Variants in CNTNAP2 observed in about 807,000 individuals in gnomAD.
CNTNAP2 encodes contactin associated protein 2.
A neutral mutation model predicts 155.2 loss-of-function variants in CNTNAP2; 98 were observed. The observed-to-expected ratio is 0.63, with a 90% confidence interval of 0.54 to 0.75. The LOEUF (loss-of-function observed/expected upper bound fraction) is 0.75, where lower values mean the gene tolerates loss of function less well. CNTNAP2 is among the 30% of genes least tolerant of loss of function. The pLI is 0.00. For missense variants in CNTNAP2, 1,727 were observed against 1,688.1 expected (o/e 1.02, Z -0.40); for synonymous variants, 651 against 631.2 (o/e 1.03, Z -0.47).
At chr7:146,852,701 G>T (rs1338014916) in intron 3 of CNTNAP2, among the ~76,000 whole-genome samples, 1 of 152,148 alleles carries the variant, frequency 6.6e-6, no homozygotes, top group African/African-American at 2.4e-5. Flanking sequence ...AGCCAAAACA[G>T]CTTTCCCCAA....
chr7:146,226,886 T>A (rs988984743), intron 1 of CNTNAP2, among the ~76,000 whole-genome samples: 1 of 152,194 alleles, frequency 6.6e-6, no homozygotes, highest in Non-Finnish European at 1.5e-5. Context: ...ATTTCATTTT[T>A]AAAAATCATA....
chr7:146,563,904 C>G (rs1395607811), intron 1 of CNTNAP2, among the ~76,000 whole-genome samples: 10 of 152,026 alleles, frequency 6.6e-5, no homozygotes, highest in Non-Finnish European at 2.9e-5. Flanking sequence ...AGATGTTTGC[C>G]CATGGAGATA....
chr7:146,874,278 A>T (rs1248878484), intron 3 of CNTNAP2, among the ~76,000 whole-genome samples: 1 of 152,118 alleles, frequency 6.6e-6, no homozygotes, highest in Non-Finnish European at 1.5e-5. Flanking sequence ...TAAAATGAGG[A>T]TCTATTAGAA....
intron 2 of CNTNAP2, among the ~76,000 whole-genome samples, chr7:146,822,500 C>G (rs76375433): frequency 6.7e-6 from 1 of 149,994 alleles, no homozygotes; most frequent in East Asian, 2.0e-4. Flanking sequence ...AAAAAAAAAA[C>G]TCAGACATTT....
rs1483327150 is a variant in CNTNAP2, at chr7:147,544,825, G to A, written c.1778-17313G>A. 3.3e-5 allele frequency among the ~76,000 whole-genome samples: 5 copies of A among 152,154 alleles called. No individual in the cohort carries two copies. The East Asian group carries it at 7.7e-4, about 24-fold the overall frequency. On this transcript the variant is annotated intron_variant, in intron 11 of 23. Transcript: ENST00000361727. ...TCTGATGGTTTTATAAGGGGTGTCC[G>A]GTTTTGCTTGGCTCTCATTCTCTCT...
In CNTNAP2 at chr7:147,508,906, C is replaced by T. The variant is rs118173292; in HGVS notation, c.1777+22865C>T. On this transcript the variant is annotated intron_variant, in intron 11 of 23. Coordinates refer to ENST00000361727, the MANE Select transcript of CNTNAP2 (RefSeq NM_014141.6). Reference sequence around the variant, plus strand: ...TTTTTCTTTATAAATTACTCAGTCTCGGATATTTCTTCATAGCAGTATGAA... The same window carrying T: ...TTTTTCTTTATAAATTACTCAGTCTTGGATATTTCTTCATAGCAGTATGAA... 7.6e-3 allele frequency among the ~76,000 whole-genome samples: 1,152 copies of T among 152,244 alleles called. 8 individuals are homozygous for T. The highest frequency in any genetic ancestry group is 0.013 in the Non-Finnish European group (882 of 68,020).
At chr7:146,144,479 A>G (rs1797928819) in intron 1 of CNTNAP2, among the ~76,000 whole-genome samples, 1 of 152,210 alleles carries the variant, frequency 6.6e-6, no homozygotes, top group Non-Finnish European at 1.5e-5. Flanking sequence ...AAAACAAAAA[A>G]TAGAAAACAA....
At chr7:148,239,894 G>C (rs1262788200) in intron 20 of CNTNAP2, among the ~76,000 whole-genome samples, 1 of 152,182 alleles carries the variant, frequency 6.6e-6, no homozygotes, top group East Asian at 1.9e-4. Context: ...GGACTCTTCT[G>C]TTATCAATGT....
chr7:147,900,941 A>C (rs895967468), intron 13 of CNTNAP2, among the ~76,000 whole-genome samples: 11 of 152,164 alleles, frequency 7.2e-5, no homozygotes, highest in African/African-American at 2.7e-4. Context: ...CAATTTGTAC[A>C]TTTTGTGAGC....
chr7:146,731,675 C>A (rs994228633), intron 1 of CNTNAP2, among the ~76,000 whole-genome samples: 1 of 152,028 alleles, frequency 6.6e-6, no homozygotes, highest in Non-Finnish European at 1.5e-5. Context: ...TAAGGTCTTT[C>A]AAGAAACTTA....
intron 8 of CNTNAP2, among the ~76,000 whole-genome samples, chr7:147,285,566 C>A (rs1239729404): frequency 1.3e-5 from 2 of 151,914 alleles, no homozygotes; most frequent in Non-Finnish European, 2.9e-5. Context: ...TCATTATTTT[C>A]ATTTTTGATA....
chr7:148,077,000 G>A (rs373605746), intron 15 of CNTNAP2, among the ~76,000 whole-genome samples: 9 of 151,872 alleles, frequency 5.9e-5, no homozygotes, highest in African/African-American at 2.2e-4. Flanking sequence ...TCAAGCTTGA[G>A]AAATATTAAT....
chr7:147,877,297 C>T (rs553227190), intron 13 of CNTNAP2, among the ~76,000 whole-genome samples: 2 of 152,214 alleles, frequency 1.3e-5, no homozygotes, highest in African/African-American at 4.8e-5. Context: ...CCTTCTTTCT[C>T]AGGTCTCAGA....
At chr7:147,171,730 T>G (rs926798016) in intron 8 of CNTNAP2, among the ~76,000 whole-genome samples, 3 of 152,178 alleles carry the variant, frequency 2.0e-5, no homozygotes, top group Admixed American at 2.0e-4. Flanking sequence ...CCTTATATAT[T>G]TAAGAAACCA....
intron 16 of CNTNAP2, among the ~76,000 whole-genome samples, chr7:148,137,000 G>T (rs1188574637): frequency 3.3e-5 from 5 of 152,130 alleles, no homozygotes; most frequent in African/African-American, 1.2e-4. Flanking sequence ...ATTTCCAGAG[G>T]AATGCTTTTC....
In CNTNAP2 at chr7:146,278,954, C is replaced by A. The variant is rs573993887; in HGVS notation, c.97+161981C>A. Reference sequence around the variant, plus strand: ...CATTAAGAAGTTGGTAGCCCTCGCACATATGATGAATAAAGATAGATCATT... The same window carrying A: ...CATTAAGAAGTTGGTAGCCCTCGCAAATATGATGAATAAAGATAGATCATT... On this transcript the variant is annotated intron_variant, in intron 1 of 23. Coordinates refer to ENST00000361727, the MANE Select transcript of CNTNAP2 (RefSeq NM_014141.6). 3.3e-5 allele frequency among the ~76,000 whole-genome samples: 5 copies of A among 152,220 alleles called. No individual in the cohort carries two copies. In the East Asian group the frequency reaches 9.7e-4, roughly 29 times the overall value.
intron 21 of CNTNAP2, among the ~76,000 whole-genome samples, chr7:148,300,113 C>G (rs1245849311): frequency 6.6e-6 from 1 of 152,172 alleles, no homozygotes; most frequent in Non-Finnish European, 1.5e-5. Flanking sequence ...AAAGCTGCTC[C>G]TAGTGTTTTT....
chr7:147,142,195 T>A (rs1015556132), intron 8 of CNTNAP2, among the ~76,000 whole-genome samples: 2 of 152,142 alleles, frequency 1.3e-5, no homozygotes, highest in Non-Finnish European at 2.9e-5. Flanking sequence ...ATTCAGTATG[T>A]TATTGGCTGT....
At chr7:147,663,258 C>T (rs919961988) in intron 13 of CNTNAP2, among the ~76,000 whole-genome samples, 8 of 152,184 alleles carry the variant, frequency 5.3e-5, no homozygotes, top group African/African-American at 1.9e-4. Context: ...GGCCTCCCAA[C>T]GTGCTGGGAT....
Sources: gnomAD v4.1 joint callset for allele counts (sites outside exome capture counted in the v4.1 genomes callset) on GRCh38, gnomAD v4.1.1 for gene constraint, MANE v1.5 for transcripts, NCBI Gene and HGNC (gene_info 2026-07-23, HGNC 2026-07-21) for gene names.